Variants in PLCH2 observed in about 807,000 individuals in gnomAD.
PLCH2 encodes the protein 1-phosphatidylinositol 4,5-bisphosphate phosphodiesterase eta-2.
In PLCH2, 98 loss-of-function variants were observed where a neutral mutation model predicts 134.7. The ratio of observed to expected loss-of-function variants is 0.73; its 90% confidence interval spans 0.62 to 0.86. The LOEUF (loss-of-function observed/expected upper bound fraction) is 0.86. Ranked by LOEUF, PLCH2 falls within the 40% of genes least tolerant of loss-of-function variation. The pLI is 0.00. For missense variants in PLCH2, 1,994 were observed against 1,986.6 expected, an observed-to-expected ratio of 1.00 and a Z score of -0.07; for synonymous variants, 974 against 827.5, an observed-to-expected ratio of 1.18 and a Z score of -3.04.
At chr1:2,496,332 A>G (rs1169509317) in intron 13 of PLCH2, among the ~76,000 whole-genome samples, 2 of 152,200 alleles carry the variant, frequency 1.3e-5, no homozygotes, top group Non-Finnish European at 2.9e-5. Flanking sequence ...ACCTTCCAGA[A>G]GCCCCCACAC....
upstream of PLCH2, among the ~76,000 whole-genome samples, chr1:2,474,405 C>T (rs1197451525): frequency 1.3e-5 from 2 of 152,164 alleles, no homozygotes; most frequent in Admixed American, 6.5e-5. Flanking sequence ...AGGGATTAGC[C>T]AGGCCTCCAC....
the PLCH2 span, among the ~76,000 whole-genome samples, chr1:2,419,030 C>T: frequency 7.9e-5 from 12 of 152,246 alleles, no homozygotes; most frequent in Non-Finnish European, 1.5e-4. Context: ...ACGCCTCTCT[C>T]TGCGGTTGGC....
chr1:2,449,216 C>T (rs1167800600), intron 2 of PLCH2, among the ~76,000 whole-genome samples: 1 of 151,592 alleles, frequency 6.6e-6, no homozygotes, highest in African/African-American at 2.4e-5. Flanking sequence ...TCTGGCCAGC[C>T]ACGGTGGCTC....
the PLCH2 span, among the ~76,000 whole-genome samples, chr1:2,416,128 G>A: frequency 2.6e-5 from 4 of 152,280 alleles, no homozygotes; most frequent in Non-Finnish European, 4.4e-5. Flanking sequence ...GAGCACCACC[G>A]GAACAGGGGA....
intron 10 of PLCH2, 92 bp from the exon 11 acceptor site, chr1:2,491,100 G>A: frequency 7.9e-7 from 1 of 1,266,330 alleles, no homozygotes; most frequent in East Asian, 2.5e-5. Flanking sequence ...TGAGCCTGGG[G>A]TGGGCAGAGT....
At chr1:2,431,675 G>A (rs1639079276) in intron 2 of PLCH2, among the ~76,000 whole-genome samples, 1 of 152,142 alleles carries the variant, frequency 6.6e-6, no homozygotes. Context: ...AGGTCCAGGG[G>A]CAACGGTTCC....
intron 21 of PLCH2, chr1:2,502,930 C>G: frequency 2.8e-6 from 2 of 717,216 alleles, no homozygotes; most frequent in Non-Finnish European, 2.6e-6. Context: ...TCTTGCCCTG[C>G]GTGGTCCTCC....
At chr1:2,472,633 C>T (rs1328126226), upstream of PLCH2, among the ~76,000 whole-genome samples, 1 of 152,178 alleles carries the variant, frequency 6.6e-6, no homozygotes, top group Non-Finnish European at 1.5e-5. Context: ...AGGCCAATGC[C>T]AGCCGGGCCC....
At chr1:2,487,504 G>A in intron 7 of PLCH2, 94 bp from the exon 8 acceptor site, 1 of 1,503,982 alleles carries the variant, frequency 6.6e-7, no homozygotes, top group South Asian at 1.2e-5. Flanking sequence ...CCCTCACTGA[G>A]CAATGGGACA....
chr1:2,436,253 C>T (rs1198167835), intron 2 of PLCH2, among the ~76,000 whole-genome samples: 66 of 83,916 alleles, frequency 7.9e-4, no homozygotes, highest in African/African-American at 2.4e-3. Context: ...CCCTCCTCCC[C>T]TCCTCCCTCC....
intron 2 of PLCH2, among the ~76,000 whole-genome samples, chr1:2,445,061 G>C (rs1454299934): frequency 6.6e-6 from 1 of 152,098 alleles, no homozygotes; most frequent in Non-Finnish European, 1.5e-5. Context: ...TCTCCCCTAG[G>C]ACCCTGGGCT....
In PLCH2 at chr1:2,504,508, C is replaced by A. The variant is rs558901596; in HGVS notation, c.3546C>A (p.Pro1182=). The A allele has an allele frequency of 6.2e-7, 1 of 1,612,476 alleles. No individual in the cohort carries two copies. Among genetic ancestry groups the A allele is most frequent in the Admixed American group, 1.7e-5 (1 of 60,008 alleles). ...GAGCCCACATGGGACGCCTGCCCCCCAGGCCCCACTCGGCTTCGGCTGCCC... is the reference window on the plus strand; with the variant it reads ...GAGCCCACATGGGACGCCTGCCCCCAAGGCCCCACTCGGCTTCGGCTGCCC... ...LAGAHMGRLP[P]RPHSASAARP... is the part of the protein sequence containing the mutation. The change falls in exon 22 of 22, where the codon CCC becomes CCA. Residue 1182 remains proline (P), a synonymous_variant. Transcript: ENST00000378486.
At chr1:2,427,765 C>G (rs769524060) in intron 1 of PLCH2, among the ~76,000 whole-genome samples, 1 of 152,088 alleles carries the variant, frequency 6.6e-6, no homozygotes, top group Non-Finnish European at 1.5e-5. Flanking sequence ...CAGAAGCAGC[C>G]GGCGAGCCCT....
upstream of PLCH2, among the ~76,000 whole-genome samples, chr1:2,474,719 A>C (rs1031310376): frequency 2.0e-5 from 3 of 152,174 alleles, no homozygotes; most frequent in Non-Finnish European, 4.4e-5. Context: ...GTGAGGGAAC[A>C]GCAGGTGTGT....
chr1:2,500,599 C>T (rs1487251724), intron 20 of PLCH2: 1 of 152,298 alleles, frequency 6.6e-6, no homozygotes, highest in East Asian at 1.9e-4. Context: ...CCCGCCGCCC[C>T]TGCATGCCCA....
At chr1:2,426,677 G>A (rs1638813442) in intron 1 of PLCH2, among the ~76,000 whole-genome samples, 3 of 152,282 alleles carry the variant, frequency 2.0e-5, no homozygotes, top group Admixed American at 6.5e-5. Flanking sequence ...TGGCCCCTGA[G>A]CGCAGATGTG....
In PLCH2 at chr1:2,439,387, G is replaced by A. The variant is rs998647249; in HGVS notation, c.115+8758G>A. Among the ~76,000 whole-genome samples the A allele has an allele frequency of 6.6e-5, 9 of 135,656 alleles. No individual in the cohort carries two copies. The highest frequency in any genetic ancestry group is 8.1e-5 in the African/African-American group (3 of 37,222). 89.0% of individuals were successfully genotyped at this position (135,656 alleles called of 152,430 possible). On this transcript the variant is annotated intron_variant, in intron 2 of 3. Coordinates refer to the PLCH2 transcript ENST00000609981. The surrounding 1 kb of genome is among the most constrained non-coding windows in gnomAD (Gnocchi z 4.7). ...GGTCCCCGACCCCAGGGCTGCCCCC[G>A]GGTTCTGGGCCCTGTTCATGGGAAG...
chr1:2,446,288 C>A (rs932695794), intron 2 of PLCH2, among the ~76,000 whole-genome samples: 3 of 152,262 alleles, frequency 2.0e-5, no homozygotes, highest in Non-Finnish European at 4.4e-5. Flanking sequence ...GCACAAGTGG[C>A]CCTGGATTCT....
chr1:2,502,546 C>CG, intron 21 of PLCH2, 137 bp downstream of exon 21: 3 of 959,342 alleles, frequency 3.1e-6, no homozygotes, highest in Non-Finnish European at 4.9e-6. Context: ...GCGTGAACAC[C>CG]GGGGGCCTGC....
Sources: gnomAD v4.1 joint callset for allele counts (sites outside exome capture counted in the v4.1 genomes callset) on GRCh38, gnomAD v4.1.1 for gene constraint, Gnocchi (gnomAD v3.1) non-coding constraint, MANE v1.5 for transcripts, NCBI Gene and HGNC (gene_info 2026-07-23, HGNC 2026-07-21) for gene names.